The following ADCY5 variants were observed in gnomAD, a reference collection of about 807,000 sequenced individuals.
ADCY5 encodes adenylate cyclase type 5.
In ADCY5, 30 loss-of-function variants were observed where a neutral mutation model predicts 119.7. The ratio of observed to expected loss-of-function variants is 0.25; its 90% CI spans 0.19 to 0.34. The LOEUF is 0.34. Ranked by LOEUF, ADCY5 falls within the 10% of genes least tolerant of loss-of-function variation. The probability of loss-of-function intolerance (pLI) is 1.00; values close to 1 mark genes in which losing one functional copy is unlikely to be tolerated. For missense variants in ADCY5, 1,324 were observed against 1,775.2 expected, an observed-to-expected ratio of 0.75 and a Z score of 4.57; for synonymous variants, 753 against 762.2, an observed-to-expected ratio of 0.99 and a Z score of 0.20.
chr3:123,412,045 G>T (rs1004076069), intron 1 of ADCY5, among the ~76,000 whole-genome samples: 1 of 152,184 alleles, frequency 6.6e-6, no homozygotes, highest in Non-Finnish European at 1.5e-5. Flanking sequence ...AGGAGCTCAG[G>T]ATGCCTGCCC....
intron 9 of ADCY5, among the ~76,000 whole-genome samples, chr3:123,320,380 C>A (rs1356933863): frequency 6.6e-6 from 1 of 152,198 alleles, no homozygotes. Context: ...GTCCTGAGAA[C>A]CAGAAGTGAA....
intron 1 of ADCY5, among the ~76,000 whole-genome samples, chr3:123,380,684 G>T (rs959769876): frequency 2.6e-5 from 4 of 152,224 alleles, no homozygotes; most frequent in African/African-American, 9.7e-5. Context: ...ACCTGTCTGT[G>T]CCTCAGCTGC....
At chr3:123,418,997 T>C in intron 1 of ADCY5, 1 of 303,874 alleles carries the variant, frequency 3.3e-6, no homozygotes, top group African/African-American at 2.3e-5. Flanking sequence ...ACCACGTCAC[T>C]GGCTTTTCTG....
chr3:123,435,448 T>C (rs1055204574), intron 1 of ADCY5, among the ~76,000 whole-genome samples: 2 of 152,060 alleles, frequency 1.3e-5, no homozygotes, highest in Non-Finnish European at 2.9e-5. Flanking sequence ...CAGACTCCAG[T>C]AGAAGATTTA....
chr3:123,403,160 C>A (rs1272619039), intron 1 of ADCY5, among the ~76,000 whole-genome samples: 1 of 151,878 alleles, frequency 6.6e-6, no homozygotes, highest in East Asian at 1.9e-4. Flanking sequence ...CAGGCAGATC[C>A]CTTGAGCTCA....
chr3:123,313,026 T>C (rs1413099584), intron 12 of ADCY5, among the ~76,000 whole-genome samples: 5 of 139,444 alleles, frequency 3.6e-5, no homozygotes, highest in Admixed American at 6.8e-5. Context: ...CAGCTAACGT[T>C]AAGCCCTACG....
intron 1 of ADCY5, among the ~76,000 whole-genome samples, chr3:123,408,345 GTT>G (rs1189685498): frequency 9.2e-5 from 13 of 140,624 alleles, no homozygotes; most frequent in Non-Finnish European, 1.4e-4. Context: ...TACGTTTTTT[GTT>G]TTTTTTTTTT....
intron 1 of ADCY5, among the ~76,000 whole-genome samples, chr3:123,439,040 C>A (rs1201064990): frequency 6.9e-6 from 1 of 144,894 alleles, no homozygotes; most frequent in Non-Finnish European, 1.5e-5. Context: ...GCACGAGCCA[C>A]TGTGCCTGGT....
In ADCY5 at chr3:123,303,179, T is replaced by C. The variant is rs903284702; in HGVS notation, c.2600A>G (p.Gln867Arg). 6.2e-7 allele frequency: 1 copy of C among 1,613,718 alleles called. No homozygotes were observed. The highest frequency in any genetic ancestry group is 1.3e-5 in the African/African-American group (1 of 74,924). Residue 867 changes from glutamine (Q) to arginine (R), a missense_variant, in exon 14 of 21, where the codon CAG becomes CGG. Around this residue, in one of 6 missense-constraint regions of ADCY5, gnomAD observed 424 missense variants for 546.8 expected, o/e 0.78. Coordinates refer to ENST00000462833, the MANE Select transcript of ADCY5 (RefSeq NM_183357.3). ...NSRDLLGCLA[Q>R]EHNISASQVN... ...CTGGCTCGCGCTGATGTTGTGCTCC[T>C]GTGCCAAGCAGCCCAGCAGGTCCCT... is the stretch of plus-strand genomic sequence containing the variant.
At chr3:123,379,338 G>C (rs1943950399) in intron 1 of ADCY5, among the ~76,000 whole-genome samples, 1 of 152,110 alleles carries the variant, frequency 6.6e-6, no homozygotes, top group Admixed American at 6.5e-5. Flanking sequence ...TGCTGGTATA[G>C]AGGACCCCGG....
intron 9 of ADCY5, 45 bp downstream of exon 9, chr3:123,320,703 TC>T: frequency 6.2e-7 from 1 of 1,608,478 alleles, no homozygotes; most frequent in Non-Finnish European, 8.5e-7. Flanking sequence ...TTGGGAGATA[TC>T]CCCCAGACCC....
chr3:123,350,378 A>G (rs921456288), intron 2 of ADCY5, among the ~76,000 whole-genome samples: 9 of 152,218 alleles, frequency 5.9e-5, no homozygotes, highest in Non-Finnish European at 8.8e-5. Context: ...GGTCTCCCCA[A>G]GCAGCAGGAA....
At chr3:123,386,476 C>G (rs1255721285) in intron 1 of ADCY5, among the ~76,000 whole-genome samples, 5 of 152,250 alleles carry the variant, frequency 3.3e-5, no homozygotes, top group African/African-American at 1.2e-4. Flanking sequence ...GGCCCATCTT[C>G]TACTTAGGAG....
At chr3:123,411,040 G>C (rs1438457218) in intron 1 of ADCY5, among the ~76,000 whole-genome samples, 1 of 152,102 alleles carries the variant, frequency 6.6e-6, no homozygotes, top group African/African-American at 2.4e-5. Context: ...CTCCAAAGCA[G>C]CAGCTATACC....
At chr3:123,300,419 T>A in intron 14 of ADCY5, 124 bp from the exon 15 acceptor site, 1 of 1,123,884 alleles carries the variant, frequency 8.9e-7, no homozygotes, top group Non-Finnish European at 1.2e-6. Flanking sequence ...TCTGCTGATG[T>A]AAATTTCCCA....
At chr3:123,378,236 C>A (rs544308932) in intron 1 of ADCY5, among the ~76,000 whole-genome samples, 2 of 152,102 alleles carry the variant, frequency 1.3e-5, no homozygotes, top group Non-Finnish European at 1.5e-5. Flanking sequence ...GGGTGGATAC[C>A]CTGCTTCTTC....
chr3:123,285,703 C>T (rs1259740534), intron 20 of ADCY5, among the ~76,000 whole-genome samples: 6 of 152,218 alleles, frequency 3.9e-5, no homozygotes, highest in African/African-American at 7.2e-5. Context: ...GAGTCCCTTG[C>T]GCCTGTCCCT....
At chr3:123,314,391 GCC>G in intron 11 of ADCY5, 69 bp from the exon 12 acceptor site, 1 of 1,296,996 alleles carries the variant, frequency 7.7e-7, no homozygotes, top group Non-Finnish European at 1.1e-6. Context: ...TGGGGGACCT[GCC>G]TGGCAAGCAG....
rs918512375 is a variant in ADCY5, at chr3:123,295,954, G to A, written c.3063+130C>T. 3.7e-6 allele frequency: 5 copies of A among 1,362,528 alleles called. No homozygotes were observed. The Admixed American group carries it at 1.1e-4, about 30-fold the overall frequency. 84.4% of individuals were successfully genotyped at this position (1,362,528 alleles called of 1,614,324 possible). Reference sequence around the variant, plus strand: ...ACAGGGCACCAAGTGGCTTCGATGGGGCCTGAGCAAGACAGCTTGACAGTG... The same window carrying A: ...ACAGGGCACCAAGTGGCTTCGATGGAGCCTGAGCAAGACAGCTTGACAGTG... On this transcript the variant is annotated intron_variant, in intron 17 of 20. Transcript: ENST00000462833.
Sources: allele counts gnomAD v4.1 joint callset (sites outside exome capture counted in the v4.1 genomes callset), GRCh38; gene constraint gnomAD v4.1.1; regional missense constraint gnomAD v4.1.1; transcripts MANE v1.5; gene names NCBI Gene and HGNC (gene_info 2026-07-23, HGNC 2026-07-21).